The following DLGAP2 variants were observed in gnomAD, a reference collection of about 807,000 sequenced individuals.
DLGAP2 encodes DLG associated protein 2, also known as disks large-associated protein 2.
DLGAP2 carries 26 observed loss-of-function variants against 100.3 expected under a neutral mutation model. The ratio of observed to expected loss-of-function variants is 0.26; its 90% CI spans 0.19 to 0.36. The LOEUF (loss-of-function observed/expected upper bound fraction) is 0.36. Ranked by LOEUF, DLGAP2 falls within the 10% of genes least tolerant of loss-of-function variation. The pLI, the probability that DLGAP2 is intolerant of heterozygous loss-of-function variation, is 1.00. For synonymous variants in DLGAP2, 886 were observed against 630.1 expected, an observed-to-expected ratio of 1.41 and a Z score of -6.08; for missense variants, 1,858 against 1,453.2, an observed-to-expected ratio of 1.28 and a Z score of -4.53.
chr8:1,623,271 G>C (rs903858774), intron 6 of DLGAP2, among the ~76,000 whole-genome samples: 5 of 152,198 alleles, frequency 3.3e-5, no homozygotes, highest in African/African-American at 1.2e-4. Flanking sequence ...ACTCAGAAGG[G>C]AGTGCTGCCC....
chr8:1,548,445 C>T (rs560705440), intron 4 of DLGAP2, among the ~76,000 whole-genome samples, 181 bp from the exon 5 acceptor site: 3 of 115,898 alleles, frequency 2.6e-5, no homozygotes, highest in African/African-American at 3.3e-5. Flanking sequence ...GGCGACAGAG[C>T]GAGACTGTCT....
At chr8:783,225 C>G (rs137909857) in intron 1 of DLGAP2, among the ~76,000 whole-genome samples, 5 of 152,298 alleles carry the variant, frequency 3.3e-5, no homozygotes, top group African/African-American at 1.2e-4. Flanking sequence ...ATGTAAGAAT[C>G]AAACACTCTT....
At chr8:1,616,928 T>C (rs1033848297) in intron 6 of DLGAP2, among the ~76,000 whole-genome samples, 6 of 152,188 alleles carry the variant, frequency 3.9e-5, no homozygotes, top group African/African-American at 1.2e-4. Flanking sequence ...AGTTTTCCTC[T>C]CTGTGTCCAT....
intron 2 of DLGAP2, among the ~76,000 whole-genome samples, chr8:1,110,219 T>G (rs139772807): frequency 3.6e-5 from 4 of 110,896 alleles, no homozygotes; most frequent in Admixed American, 9.0e-5. Flanking sequence ...GAGGTGTGCA[T>G]GGGTCTGTGA....
chr8:1,235,316 A>G (rs113538220), intron 2 of DLGAP2, among the ~76,000 whole-genome samples: 5 of 145,514 alleles, frequency 3.4e-5, no homozygotes, highest in Admixed American at 1.4e-4. Context: ...CATCGTGTCT[A>G]GTTCTCTCTC....
intron 3 of DLGAP2, among the ~76,000 whole-genome samples, chr8:1,267,722 A>G (rs1799496452): frequency 2.0e-5 from 3 of 152,048 alleles, no homozygotes; most frequent in Admixed American, 2.0e-4. Context: ...CCCCCTCCGT[A>G]GCAACTCTGT....
At chr8:786,473 A>G (rs1821870664) in intron 1 of DLGAP2, among the ~76,000 whole-genome samples, 1 of 152,130 alleles carries the variant, frequency 6.6e-6, no homozygotes, top group African/African-American at 2.4e-5. Flanking sequence ...AAGTTTTGAA[A>G]GCGTTTTCTT....
chr8:1,689,791 G>A (rs1359479752), intron 12 of DLGAP2, among the ~76,000 whole-genome samples: 5 of 152,206 alleles, frequency 3.3e-5, no homozygotes, highest in South Asian at 2.1e-4. Flanking sequence ...GATGAGATGC[G>A]TAGATCATCT....
At chr8:1,242,556 TC>T (rs1798820357) in intron 2 of DLGAP2, among the ~76,000 whole-genome samples, 1 of 152,136 alleles carries the variant, frequency 6.6e-6, no homozygotes, top group African/African-American at 2.4e-5. Flanking sequence ...TCAAGGAAGC[TC>T]CCCCAGTGCA....
intron 1 of DLGAP2, among the ~76,000 whole-genome samples, chr8:767,588 C>G (rs912978774): frequency 2.6e-5 from 4 of 152,124 alleles, no homozygotes; most frequent in African/African-American, 9.7e-5. Flanking sequence ...AACTCCTGAC[C>G]TCGTGATCCA....
intron 3 of DLGAP2, among the ~76,000 whole-genome samples, chr8:1,264,926 G>A (rs1308794929): frequency 6.6e-6 from 1 of 152,086 alleles, no homozygotes; most frequent in African/African-American, 2.4e-5. Context: ...TTTCATAAAG[G>A]GCAGTTCCCC....
chr8:895,380 G>A (rs913244544), intron 1 of DLGAP2, among the ~76,000 whole-genome samples: 1 of 152,168 alleles, frequency 6.6e-6, no homozygotes, highest in African/African-American at 2.4e-5. Flanking sequence ...TTTATCTGCA[G>A]CATCCCCCGT....
chr8:1,679,479 A>G (rs796932804), intron 12 of DLGAP2, among the ~76,000 whole-genome samples: 1,575 of 80,242 alleles, frequency 0.02, no homozygotes, highest in Middle Eastern at 0.14. Context: ...GGGTGGAATG[A>G]GAAGGCCGTG....
intron 2 of DLGAP2, among the ~76,000 whole-genome samples, chr8:1,195,070 T>C (rs748920709): frequency 1.3e-5 from 2 of 152,204 alleles, no homozygotes; most frequent in Non-Finnish European, 2.9e-5. Context: ...CCAGCATGAG[T>C]GCTCAAGCTC....
At chr8:823,310 C>CATTATT (rs5888817) in intron 1 of DLGAP2, among the ~76,000 whole-genome samples, 21 of 148,510 alleles carry the variant, frequency 1.4e-4, no homozygotes, top group South Asian at 6.6e-4. Context: ...AGCTTGAATT[C>CATTATT]ATTATTATTA....
At chr8:1,257,988 A>G (rs1013319479) in intron 2 of DLGAP2, among the ~76,000 whole-genome samples, 1 of 152,086 alleles carries the variant, frequency 6.6e-6, no homozygotes, top group Non-Finnish European at 1.5e-5. Context: ...AAGACCTTGC[A>G]CTCGTGTGTC....
chr8:1,549,125 G>C lies in DLGAP2; in HGVS notation c.672G>C (p.Glu224Asp), dbSNP rs772482203. 1.8e-5 allele frequency: 28 copies of C among 1,589,482 alleles called. No homozygotes were observed. Among genetic ancestry groups the C allele is most frequent in the Non-Finnish European group, 2.3e-5 (27 of 1,170,250 alleles). Reference sequence around the variant, plus strand: ...CCGCGGCCGCCGAGCAGCGCAGCGAGAGCCCCGGGCGGATCCGCCACCTGG... The same window carrying C: ...CCGCGGCCGCCGAGCAGCGCAGCGACAGCCCCGGGCGGATCCGCCACCTGG... ...RTSAAAEQRS[E>D]SPGRIRHLVH... Residue 224 changes from glutamate (E) to aspartate (D), a missense_variant, in exon 5 of 15, where the codon GAG becomes GAC. Glu to Asp is a conservative substitution (Grantham distance 45). Transcript: ENST00000637795.
intron 2 of DLGAP2, among the ~76,000 whole-genome samples, chr8:1,249,496 C>T (rs1455469113): frequency 1.3e-5 from 2 of 152,180 alleles, no homozygotes; most frequent in African/African-American, 2.4e-5. Context: ...AAAGAGATTG[C>T]ACTGAACAAT....
chr8:1,170,941 G>T (rs916807638), intron 2 of DLGAP2, among the ~76,000 whole-genome samples: 62 of 150,200 alleles, frequency 4.1e-4, no homozygotes, highest in African/African-American at 1.4e-3. Context: ...GAATGTGTTT[G>T]CTCTTGCTTC....
Sources: allele counts gnomAD v4.1 joint callset (sites outside exome capture counted in the v4.1 genomes callset), GRCh38; gene constraint gnomAD v4.1.1; transcripts MANE v1.5; gene names NCBI Gene and HGNC (gene_info 2026-07-23, HGNC 2026-07-21).